Variants in SEMA3D observed in about 807,000 individuals in gnomAD.
SEMA3D encodes the protein semaphorin-3D.
In SEMA3D, 84 loss-of-function variants were observed where a neutral mutation model predicts 100.1. That is an observed-to-expected ratio of 0.84 (90% CI 0.70 to 1.01). SEMA3D has a LOEUF of 1.01. Among genes scored for constraint, SEMA3D ranks in the 50% least tolerant of loss-of-function variants. SEMA3D has a pLI of 0.00. For missense variants in SEMA3D, 875 were observed against 934.1 expected (o/e 0.94, Z 0.82); for synonymous variants, 312 against 320.7 (o/e 0.97, Z 0.29).
At chr7:85,216,032 G>T in the SEMA3D span, among the ~76,000 whole-genome samples, 1 of 151,996 alleles carries the variant, frequency 6.6e-6, no homozygotes, top group Admixed American at 6.6e-5. Flanking sequence ...CCTTCCAAAT[G>T]TTAACATAGT....
At chr7:85,236,826 T>C in the SEMA3D span, among the ~76,000 whole-genome samples, 546 of 152,210 alleles carry the variant, frequency 3.6e-3, 3 homozygotes, top group African/African-American at 0.013. Context: ...CAATTTTGAG[T>C]AAAGTACATA....
chr7:85,164,106 G>C (rs763899624), intron 1 of SEMA3D, among the ~76,000 whole-genome samples: 4 of 152,070 alleles, frequency 2.6e-5, no homozygotes, highest in Non-Finnish European at 5.9e-5. Flanking sequence ...GAAGTGTAGT[G>C]AGTGCTTCAG....
the SEMA3D span, among the ~76,000 whole-genome samples, chr7:85,206,378 A>AG: frequency 2.6e-5 from 4 of 152,112 alleles, no homozygotes; most frequent in Admixed American, 2.6e-4. Flanking sequence ...TAAAGGATGA[A>AG]GGGGGGAAAT....
chr7:85,126,419 G>A (rs1218817551), intron 2 of SEMA3D, among the ~76,000 whole-genome samples: 1 of 150,548 alleles, frequency 6.6e-6, no homozygotes. Flanking sequence ...GTGTGTGTGT[G>A]TGTGTGTGTG....
intron 6 of SEMA3D, among the ~76,000 whole-genome samples, chr7:85,072,222 C>T (rs1311761470): frequency 6.6e-6 from 1 of 152,142 alleles, no homozygotes; most frequent in African/African-American, 2.4e-5. Flanking sequence ...CTTATTAAAG[C>T]ACTCATTGAG....
chr7:85,220,366 A>G, the SEMA3D span, among the ~76,000 whole-genome samples: 1 of 133,606 alleles, frequency 7.5e-6, no homozygotes, highest in Non-Finnish European at 1.6e-5. Context: ...ACAAATTTCT[A>G]TTTACCGATT....
At chr7:85,222,665 G>T in the SEMA3D span, among the ~76,000 whole-genome samples, 2 of 152,180 alleles carry the variant, frequency 1.3e-5, no homozygotes, top group South Asian at 4.1e-4. Context: ...TCACAGAAAC[G>T]AAGGCATTGC....
chr7:85,003,730 C>T (rs982368862), intron 18 of SEMA3D, among the ~76,000 whole-genome samples: 20 of 151,792 alleles, frequency 1.3e-4, no homozygotes, highest in African/African-American at 4.1e-4. Context: ...CAAATACAAC[C>T]GAAGCCAACA....
chr7:85,029,149 A>G, intron 12 of SEMA3D: 1 of 639,106 alleles, frequency 1.6e-6, no homozygotes, highest in Non-Finnish European at 2.9e-6. Flanking sequence ...ATTGCCAAGG[A>G]TAAAAACCTA....
At chr7:85,213,530 TCTCTTA>T in the SEMA3D span, among the ~76,000 whole-genome samples, 1 of 152,062 alleles carries the variant, frequency 6.6e-6, no homozygotes. Context: ...TACACACTTA[TCTCTTA>T]AATTCTGTAT....
chr7:85,172,539 A>T (rs961856670), intron 1 of SEMA3D, among the ~76,000 whole-genome samples: 5 of 151,986 alleles, frequency 3.3e-5, no homozygotes, highest in Non-Finnish European at 5.9e-5. Context: ...TGGAACAAAG[A>T]TGTACTTTGC....
chr7:85,150,427 CAT>C (rs1178315506), intron 2 of SEMA3D, among the ~76,000 whole-genome samples: 1 of 140,846 alleles, frequency 7.1e-6, no homozygotes, highest in South Asian at 2.2e-4. Context: ...CACACACACA[CAT>C]ATATTTACAG....
chr7:85,243,634 A>C, the SEMA3D span, among the ~76,000 whole-genome samples: 1,384 of 152,286 alleles, frequency 9.1e-3, 31 homozygotes, highest in African/African-American at 0.032. Flanking sequence ...GCAAATTCTA[A>C]GCCCCTTATC....
Position 85,121,755 on chromosome 7 carries a change from T to C in SEMA3D, c.137A>G (p.Lys46Arg). 1 of 1,583,338 alleles carries C rather than the reference T, an allele frequency of 6.3e-7. No individual in the cohort carries two copies. The highest frequency in any genetic ancestry group is 8.6e-7 in the Non-Finnish European group (1 of 1,160,058). Residue 46 changes from lysine to arginine, a missense_variant, in exon 3 of 19, where the codon AAG becomes AGG. Physicochemically the swap from Lys to Arg is conservative, Grantham distance 26 (BLOSUM62 2). Transcript: ENST00000284136. The stretch of plus-strand genomic sequence containing the variant: ...TATATATTTACCTTTGTAGGTTAGC[T>C]TGAGTCTTGGAATATTTTGCTTCAA... Reference protein sequence around the residue: ...GTLKQNIPRLKLTYKDLLLSN... With the variant: ...GTLKQNIPRLRLTYKDLLLSN...
chr7:84,999,690 G>C lies in SEMA3D; in HGVS notation c.2084C>G (p.Ala695Gly), dbSNP rs761295412. Residue 695 changes from alanine to glycine, a missense_variant, in exon 19 of 19, where the codon GCA (alanine) becomes GGA (glycine). Physicochemically the swap from Ala to Gly is moderately conservative, Grantham distance 60. Coordinates refer to ENST00000284136, the MANE Select transcript of SEMA3D (RefSeq NM_001384900.1). ...ENEQMENTQRAEHEEGKVKDL... is the reference protein window; with the variant it reads ...ENEQMENTQRGEHEEGKVKDL... ...CTTGACCTTCCCCTCCTCATGCTCT[G>C]CCCTCTGGGTATTTTCCATCTGTTC... The C allele has an allele frequency of 6.2e-7, 1 of 1,613,990 alleles. No homozygotes were observed.
chr7:85,126,412 T>TGTGTGTGTC (rs1789572550), intron 2 of SEMA3D, among the ~76,000 whole-genome samples: 1 of 145,706 alleles, frequency 6.9e-6, no homozygotes, highest in African/African-American at 2.6e-5. Context: ...GTCGTGTGTG[T>TGTGTGTGTC]GTGTGTGTGT....
chr7:85,221,487 C>T, the SEMA3D span, among the ~76,000 whole-genome samples: 2 of 152,100 alleles, frequency 1.3e-5, no homozygotes, highest in African/African-American at 4.8e-5. Context: ...GTTCCTGAAA[C>T]CTGTGTTATC....
intron 16 of SEMA3D, among the ~76,000 whole-genome samples, chr7:85,014,075 C>T (rs569444956): frequency 6.6e-6 from 1 of 151,770 alleles, no homozygotes; most frequent in East Asian, 2.0e-4. Flanking sequence ...AAAATGTTTT[C>T]TAATTTTAAG....
chr7:85,009,597 C>G (rs1419144722), intron 17 of SEMA3D, among the ~76,000 whole-genome samples: 1 of 148,354 alleles, frequency 6.7e-6, no homozygotes, highest in East Asian at 2.0e-4. Flanking sequence ...AAAAAAAAAA[C>G]AACTTTTCTG....
Sources: gnomAD v4.1 joint callset for allele counts (sites outside exome capture counted in the v4.1 genomes callset) on GRCh38, gnomAD v4.1.1 for gene constraint, MANE v1.5 for transcripts, NCBI Gene and HGNC (gene_info 2026-07-23, HGNC 2026-07-21) for gene names.